ANKIB1: variants seen among roughly 807,000 people sequenced by gnomAD.
The protein encoded by ANKIB1 is ankyrin repeat and IBR domain-containing protein 1.
ANKIB1 carries 43 observed loss-of-function variants against 122.1 expected under a neutral mutation model. The ratio of observed to expected loss-of-function variants is 0.35; its 90% CI spans 0.28 to 0.45. The LOEUF is 0.45. Among genes scored for constraint, ANKIB1 ranks in the 20% least tolerant of loss-of-function variants. ANKIB1 has a pLI of 1.00. For missense variants in ANKIB1, 992 were observed against 1,329.5 expected (o/e 0.75, Z 3.95); for synonymous variants, 390 against 442.0 (o/e 0.88, Z 1.48).
intron 2 of ANKIB1, among the ~76,000 whole-genome samples, chr7:92,298,333 T>A (rs1802396372): frequency 1.3e-5 from 2 of 151,886 alleles, no homozygotes; most frequent in African/African-American, 2.4e-5. Context: ...ATATTTAATA[T>A]CAAATATTAT....
At chr7:92,359,928 A>T (rs1342123506) in intron 9 of ANKIB1, among the ~76,000 whole-genome samples, 1 of 152,034 alleles carries the variant, frequency 6.6e-6, no homozygotes, top group African/African-American at 2.4e-5. Flanking sequence ...AATCAACCCA[A>T]TATTTTTTGA....
intron 1 of ANKIB1, among the ~76,000 whole-genome samples, chr7:92,274,186 A>G (rs908914136): frequency 1.3e-5 from 2 of 152,192 alleles, no homozygotes; most frequent in Non-Finnish European, 2.9e-5. Flanking sequence ...AAGTACCTAC[A>G]AACAATTTTT....
chr7:92,338,524 T>C (rs1803343715), intron 5 of ANKIB1, among the ~76,000 whole-genome samples: 1 of 152,164 alleles, frequency 6.6e-6, no homozygotes, highest in Admixed American at 6.5e-5. Flanking sequence ...GCATTTTACA[T>C]GTCCAGTTAT....
chr7:92,361,183 A>G lies in ANKIB1; in HGVS notation c.1398-1002A>G, dbSNP rs563033251. On this transcript the variant is annotated intron_variant, in intron 9 of 19. Coordinates refer to ENST00000265742, the MANE Select transcript of ANKIB1 (RefSeq NM_019004.2). The stretch of plus-strand genomic sequence containing the variant: ...ACAATATAGCATCATCTTGAATTAA[A>G]ATGGCAGTTCATCAAGGCTTTAGGC... Among the ~76,000 whole-genome samples the G allele has an allele frequency of 2.6e-5, 4 of 152,362 alleles. No individual in the cohort carries two copies. The South Asian group carries it at 6.2e-4, about 24-fold the overall frequency.
chr7:92,310,715 G>A (rs1184949424), intron 3 of ANKIB1, among the ~76,000 whole-genome samples: 1 of 152,038 alleles, frequency 6.6e-6, no homozygotes, highest in Non-Finnish European at 1.5e-5. Context: ...ACTTTAAATT[G>A]TCTCTAGATT....
intron 10 of ANKIB1, among the ~76,000 whole-genome samples, chr7:92,365,786 ATC>A (rs1804060457): frequency 9.2e-6 from 1 of 109,230 alleles, no homozygotes; most frequent in Non-Finnish European, 1.9e-5. Flanking sequence ...ATATTAAATA[ATC>A]TTTTTTTTTT....
intron 10 of ANKIB1, among the ~76,000 whole-genome samples, chr7:92,367,081 G>T (rs541130021): frequency 2.0e-5 from 3 of 152,236 alleles, no homozygotes; most frequent in African/African-American, 7.2e-5. Flanking sequence ...CTAGAAAATG[G>T]TATAGATGGT....
chr7:92,273,221 A>G (rs536320278), intron 1 of ANKIB1, among the ~76,000 whole-genome samples: 13 of 152,370 alleles, frequency 8.5e-5, no homozygotes, highest in Admixed American at 8.5e-4. Flanking sequence ...ATGAACAATG[A>G]TAAATTTATT....
intron 11 of ANKIB1, 50 bp from the exon 12 acceptor site, chr7:92,386,459 A>G (rs1804652907): frequency 3.3e-6 from 5 of 1,504,382 alleles, no homozygotes; most frequent in Non-Finnish European, 4.4e-6. Flanking sequence ...GCAGAAAATA[A>G]TTTGCATATT....
intron 1 of ANKIB1, among the ~76,000 whole-genome samples, chr7:92,259,014 C>T (rs1801506634): frequency 6.6e-6 from 1 of 151,970 alleles, no homozygotes; most frequent in Non-Finnish European, 1.5e-5. Context: ...AGTACAGTGG[C>T]GCGATCTTGG....
chr7:92,396,830 T>C (rs951146800), intron 18 of ANKIB1, among the ~76,000 whole-genome samples: 5 of 152,206 alleles, frequency 3.3e-5, no homozygotes, highest in Non-Finnish European at 7.3e-5. Context: ...CTTAAGCACC[T>C]AGTGAAGCAC....
At chr7:92,348,233 A>G (rs994776705) in intron 7 of ANKIB1, among the ~76,000 whole-genome samples, 8 of 152,188 alleles carry the variant, frequency 5.3e-5, no homozygotes, top group Non-Finnish European at 1.2e-4. Context: ...TCAAAACATC[A>G]TCATGTAGTA....
At chr7:92,309,942 A>ATATATATATATATATATATAT (rs1554338740) in intron 3 of ANKIB1, among the ~76,000 whole-genome samples, 5 of 91,784 alleles carry the variant, frequency 5.4e-5, no homozygotes, top group African/African-American at 2.4e-4. Context: ...AAAAAAAAAA[A>ATATATATATATATATATATAT]ATATATATAT....
rs377588089 is a variant in ANKIB1, at chr7:92,391,356, G to A, written c.2231+12G>A. The A allele has an allele frequency of 7.0e-6, 11 of 1,580,686 alleles. No individual in the cohort carries two copies. Among genetic ancestry groups the A allele is most frequent in the African/African-American group, 2.7e-5 (2 of 73,914 alleles). On this transcript the variant is annotated intron_variant, in intron 16 of 19. Transcript: ENST00000265742. ...GCTCCAAGGCGCAGGTAAAAAGGACGTACACTGTGGAAATCATCCTAGCTC... is the reference window on the plus strand; with the variant it reads ...GCTCCAAGGCGCAGGTAAAAAGGACATACACTGTGGAAATCATCCTAGCTC...
intron 16 of ANKIB1, 64 bp from the exon 17 acceptor site, chr7:92,392,177 A>G (rs1030034944): frequency 1.0e-5 from 14 of 1,385,872 alleles, no homozygotes; most frequent in Middle Eastern, 3.6e-4. Context: ...AAGGGCAAGG[A>G]TCTGATTGTA....
At chr7:92,337,271 A>G (rs1036160148) in intron 5 of ANKIB1, among the ~76,000 whole-genome samples, 1 of 152,210 alleles carries the variant, frequency 6.6e-6, no homozygotes, top group Non-Finnish European at 1.5e-5. Flanking sequence ...CAGTGAATAG[A>G]TAATTGAAAT....
chr7:92,377,636 A>G (rs1258118004), intron 11 of ANKIB1, among the ~76,000 whole-genome samples: 1 of 152,210 alleles, frequency 6.6e-6, no homozygotes, highest in Non-Finnish European at 1.5e-5. Flanking sequence ...GTATGCCTGT[A>G]ATCAAAAAAA....
chr7:92,266,510 G>C (rs1393330613), intron 1 of ANKIB1, among the ~76,000 whole-genome samples: 1 of 152,126 alleles, frequency 6.6e-6, no homozygotes, highest in Non-Finnish European at 1.5e-5. Context: ...AGAGATCACT[G>C]GGATGGCAGA....
At chr7:92,276,481 G>A (rs1239603971) in intron 1 of ANKIB1, among the ~76,000 whole-genome samples, 1 of 152,196 alleles carries the variant, frequency 6.6e-6, no homozygotes, top group African/African-American at 2.4e-5. Flanking sequence ...CCAATCATGG[G>A]CCAGTCTTGC....
Sources: allele counts gnomAD v4.1 joint callset (sites outside exome capture counted in the v4.1 genomes callset), GRCh38; gene constraint gnomAD v4.1.1; transcripts MANE v1.5; gene names NCBI Gene and HGNC (gene_info 2026-07-23, HGNC 2026-07-21).